The following ZNF407 variants were observed in gnomAD, a reference collection of about 807,000 sequenced individuals.
ZNF407 encodes the protein zinc finger protein 407.
A neutral mutation model predicts 131.2 loss-of-function variants in ZNF407; 17 were observed. The observed-to-expected ratio is 0.13, with a 90% CI of 0.09 to 0.19. The LOEUF is 0.19. Ranked by LOEUF, ZNF407 falls within the 10% of genes least tolerant of loss-of-function variation. ZNF407 has a pLI of 1.00. For missense variants in ZNF407, 2,681 were observed against 2,830.6 expected, an observed-to-expected ratio of 0.95 and a Z score of 1.20; for synonymous variants, 1,156 against 1,062.0, an observed-to-expected ratio of 1.09 and a Z score of -1.72.
chr18:74,941,852 A>G (rs1164950397), intron 8 of ZNF407, among the ~76,000 whole-genome samples: 1 of 152,234 alleles, frequency 6.6e-6, no homozygotes, highest in African/African-American at 2.4e-5. Flanking sequence ...TCCTTCATAT[A>G]AGAGTTGACA....
chr18:74,825,331 G>A (rs1217636016), intron 4 of ZNF407, among the ~76,000 whole-genome samples: 2 of 152,120 alleles, frequency 1.3e-5, no homozygotes, highest in Non-Finnish European at 2.9e-5. Flanking sequence ...AGTATTGGAA[G>A]TTCTGGCCAT....
intron 3 of ZNF407, among the ~76,000 whole-genome samples, chr18:74,759,339 A>G (rs1234437066): frequency 2.0e-5 from 3 of 151,966 alleles, no homozygotes; most frequent in Admixed American, 1.3e-4. Context: ...AGTTTTTCCT[A>G]TGTGGTAATT....
chr18:74,767,043 C>G (rs897242132), intron 3 of ZNF407, among the ~76,000 whole-genome samples: 1 of 152,158 alleles, frequency 6.6e-6, no homozygotes. Flanking sequence ...TCCCAAGTAG[C>G]TGGTACCACA....
intron 8 of ZNF407, among the ~76,000 whole-genome samples, chr18:74,955,858 C>T (rs528919088): frequency 9.7e-4 from 147 of 152,316 alleles, no homozygotes; most frequent in Non-Finnish European, 1.3e-3. Flanking sequence ...ACACGGTGCA[C>T]GTGTTCCTGT....
chr18:74,955,715 G>A (rs1006860901), intron 8 of ZNF407, among the ~76,000 whole-genome samples: 8 of 152,166 alleles, frequency 5.3e-5, no homozygotes, highest in African/African-American at 1.7e-4. Context: ...GTGGGTACCC[G>A]AGTCACATCA....
At chr18:74,682,493 A>T (rs1015638149) in intron 3 of ZNF407, among the ~76,000 whole-genome samples, 1 of 152,192 alleles carries the variant, frequency 6.6e-6, no homozygotes, top group African/African-American at 2.4e-5. Flanking sequence ...CAGTGTGGTC[A>T]CACAGCCCTG....
At chr18:74,787,733 A>T (rs1398353823) in intron 4 of ZNF407, among the ~76,000 whole-genome samples, 1 of 152,168 alleles carries the variant, frequency 6.6e-6, no homozygotes, top group East Asian at 1.9e-4. Flanking sequence ...GCTTTCAGTT[A>T]TTTCCATTGC....
intron 8 of ZNF407, among the ~76,000 whole-genome samples, chr18:74,964,854 T>TC (rs1428544710): frequency 1.3e-5 from 2 of 152,184 alleles, no homozygotes; most frequent in Admixed American, 6.5e-5. Flanking sequence ...GGGTGTCTGC[T>TC]CCCTACCCTC....
In ZNF407 at chr18:74,631,634, T is replaced by C. The variant is rs1305024488; in HGVS notation, c.615T>C (p.Ala205=). ...CTTGCTCTGACTTGGAAAAACATGC[T>C]GAGTCTCACATGCAGCAGCCTAAGG... ...FSSCSDLEKH[A]ESHMQQPKEH... Residue 205 remains alanine, a synonymous_variant, in exon 2 of 9, where the codon GCT becomes GCC. Transcript: ENST00000299687. The C allele has an allele frequency of 6.2e-7, 1 of 1,613,966 alleles. No individual in the cohort carries two copies. The highest frequency in any genetic ancestry group is 1.1e-5 in the South Asian group (1 of 91,072).
intron 8 of ZNF407, among the ~76,000 whole-genome samples, chr18:74,981,615 C>T (rs1972594081): frequency 6.6e-6 from 1 of 152,070 alleles, no homozygotes; most frequent in South Asian, 2.1e-4. Context: ...CTAGAGGGGT[C>T]CCGAAAGGCT....
At chr18:74,618,124 C>G (rs1020348317) in intron 1 of ZNF407, among the ~76,000 whole-genome samples, 2 of 152,242 alleles carry the variant, frequency 1.3e-5, no homozygotes, top group South Asian at 4.1e-4. Flanking sequence ...TCCAATTGTC[C>G]GAGATTTGGT....
chr18:74,918,909 G>T (rs1258435102), intron 7 of ZNF407, among the ~76,000 whole-genome samples: 1 of 152,162 alleles, frequency 6.6e-6, no homozygotes, highest in African/African-American at 2.4e-5. Context: ...AGCAGATTTA[G>T]TTGTACATGT....
intron 4 of ZNF407, among the ~76,000 whole-genome samples, chr18:74,813,172 C>T (rs1167177929): frequency 6.6e-6 from 1 of 152,170 alleles, no homozygotes; most frequent in East Asian, 1.9e-4. Context: ...GCAGATTGTG[C>T]TGCGCTGGCT....
chr18:74,922,286 G>A (rs371831070), intron 8 of ZNF407, among the ~76,000 whole-genome samples: 6 of 152,140 alleles, frequency 3.9e-5, no homozygotes, highest in African/African-American at 1.4e-4. Flanking sequence ...TCCTAGCAAT[G>A]GCCAGGCCAC....
chr18:74,778,228 GTTTATGC>G (rs1969515303), intron 3 of ZNF407, among the ~76,000 whole-genome samples: 1 of 152,122 alleles, frequency 6.6e-6, no homozygotes, highest in East Asian at 1.9e-4. Context: ...CAGCCCCCAG[GTTTATGC>G]TCCCACATCA....
chr18:74,976,511 C>T (rs1290154925), intron 8 of ZNF407, among the ~76,000 whole-genome samples: 1 of 152,154 alleles, frequency 6.6e-6, no homozygotes, highest in Admixed American at 6.5e-5. Flanking sequence ...CCTGTGCTGT[C>T]AGTTAGGGCA....
At chr18:74,952,345 C>T (rs148013014) in intron 8 of ZNF407, among the ~76,000 whole-genome samples, 130 of 152,304 alleles carry the variant, frequency 8.5e-4, no homozygotes, top group Non-Finnish European at 1.5e-3. Flanking sequence ...ACCACAGCCC[C>T]TGGTGCTGCG....
chr18:74,711,712 A>G (rs886902483), intron 3 of ZNF407, among the ~76,000 whole-genome samples: 10 of 151,988 alleles, frequency 6.6e-5, no homozygotes, highest in Non-Finnish European at 1.5e-4. Context: ...TCATTAGCTT[A>G]TTTTATTTTA....
intron 1 of ZNF407, among the ~76,000 whole-genome samples, chr18:74,613,897 A>G (rs1001609098): frequency 2.0e-5 from 3 of 152,368 alleles, no homozygotes; most frequent in Admixed American, 2.0e-4. Flanking sequence ...GAGTAATGCC[A>G]GTCTAACCAT....
Sources: gnomAD v4.1 joint callset for allele counts (sites outside exome capture counted in the v4.1 genomes callset) on GRCh38, gnomAD v4.1.1 for gene constraint, MANE v1.5 for transcripts, NCBI Gene and HGNC (gene_info 2026-07-23, HGNC 2026-07-21) for gene names.